KIAA1549: variants seen among roughly 807,000 people sequenced by gnomAD.
The protein encoded by KIAA1549 is UPF0606 protein KIAA1549.
A neutral mutation model predicts 156.4 loss-of-function variants in KIAA1549; 70 were observed. That is an observed-to-expected ratio of 0.45 (90% CI 0.37 to 0.55). The LOEUF is 0.55. Ranked by LOEUF, KIAA1549 falls within the 20% of genes least tolerant of loss-of-function variation. KIAA1549 has a pLI of 0.00. For synonymous variants in KIAA1549, 1,103 were observed against 1,066.4 expected (o/e 1.03, Z -0.67); for missense variants, 2,428 against 2,540.9 (o/e 0.96, Z 0.96).
intron 15 of KIAA1549, among the ~76,000 whole-genome samples, chr7:138,863,954 A>G (rs1810660952): frequency 6.6e-6 from 1 of 152,188 alleles, no homozygotes; most frequent in South Asian, 2.1e-4. Flanking sequence ...TGAGGTGGAT[A>G]AAGGTCCACA....
intron 1 of KIAA1549, among the ~76,000 whole-genome samples, chr7:138,943,749 T>C (rs910572779): frequency 6.6e-6 from 1 of 151,814 alleles, no homozygotes; most frequent in Non-Finnish European, 1.5e-5. Flanking sequence ...CTCGGGAGGC[T>C]GAGGCAGGCG....
Position 138,938,030 on chromosome 7 carries a change from C to T in KIAA1549, c.188-18592G>A, listed in dbSNP as rs748645988. Reference sequence around the variant, plus strand: ...TCCCCCTAAAATTCATATGTTGAAACCTAACCCGAAGGTGATGGTATTAAG... The same window carrying T: ...TCCCCCTAAAATTCATATGTTGAAATCTAACCCGAAGGTGATGGTATTAAG... On this transcript the variant is annotated intron_variant, in intron 1 of 19. Transcript: ENST00000422774. 2.6e-5 allele frequency among the ~76,000 whole-genome samples: 4 copies of T among 152,192 alleles called. No individual in the cohort carries two copies. The East Asian group carries it at 5.8e-4, about 22-fold the overall frequency.
intron 4 of KIAA1549, 110 bp from the exon 5 acceptor site, chr7:138,909,231 T>C (rs1392667843): frequency 1.8e-6 from 2 of 1,131,266 alleles, no homozygotes; most frequent in Non-Finnish European, 2.6e-6. Context: ...TCATCCATAG[T>C]ATGGGATTAA....
chr7:138,917,659 G>T lies in KIAA1549; in HGVS notation c.1967C>A (p.Ser656Tyr). 1 of 1,612,910 alleles carries T rather than the reference G, an allele frequency of 6.2e-7. No homozygotes were observed. Among genetic ancestry groups the T allele is most frequent in the Non-Finnish European group, 8.5e-7 (1 of 1,179,410 alleles). ...ASLSLMPSDL[S>Y]PFTSQSFSPL... ...AGAAAAAGACTGAGATGTGAAGGGG[G>T]ACAAGTCACTCGGCATCAGAGACAG... The change falls in exon 2 of 20, where the codon TCC (serine) becomes TAC (tyrosine). Residue 656 changes from serine to tyrosine, a missense_variant. Physicochemically the swap from Ser to Tyr is moderately radical, Grantham distance 144 (BLOSUM62 -2). Around this residue, in one of 5 missense-constraint regions of KIAA1549, gnomAD observed 893 missense variants for 847.9 expected, o/e 1.05. Coordinates refer to ENST00000422774, the MANE Select transcript of KIAA1549 (RefSeq NM_001164665.2).
intron 10 of KIAA1549, among the ~76,000 whole-genome samples, chr7:138,884,539 A>C (rs1360055429): frequency 6.6e-6 from 1 of 152,214 alleles, no homozygotes; most frequent in African/African-American, 2.4e-5. Context: ...TAAGATACCA[A>C]ATTATAAACA....
At chr7:138,894,864 A>C (rs1356552942) in intron 9 of KIAA1549, among the ~76,000 whole-genome samples, 2 of 152,168 alleles carry the variant, frequency 1.3e-5, no homozygotes, top group Non-Finnish European at 2.9e-5. Flanking sequence ...TCCACACCAA[A>C]ACTGGTTCTG....
rs372018139 is a variant in KIAA1549 at position 138,881,351 on chromosome 7, C to T, written c.4229+37G>A. The T allele has an allele frequency of 8.2e-6, 13 of 1,583,740 alleles. No individual in the cohort carries two copies. The East Asian group carries it at 2.7e-4, about 33-fold the overall frequency. On this transcript the variant is annotated intron_variant, in intron 11 of 19. Transcript: ENST00000422774. ...CACAGCCTGATAACAGAAGCATGCTCTGCAACAAAGAATAATACAGAAAGC... is the reference window on the plus strand; with the variant it reads ...CACAGCCTGATAACAGAAGCATGCTTTGCAACAAAGAATAATACAGAAAGC...
At chr7:138,938,348 T>C (rs971724207) in intron 1 of KIAA1549, among the ~76,000 whole-genome samples, 2 of 152,226 alleles carry the variant, frequency 1.3e-5, no homozygotes, top group African/African-American at 2.4e-5. Context: ...TCTGGTTACA[T>C]ATACTTCTGG....
intron 16 of KIAA1549, among the ~76,000 whole-genome samples, chr7:138,859,297 C>T (rs1332473695): frequency 6.6e-6 from 1 of 152,014 alleles, no homozygotes. Context: ...AATTACCTCC[C>T]TAAAGGCCCT....
Position 138,836,982 on chromosome 7 carries a change from G to A in KIAA1549, c.*924C>T, listed in dbSNP as rs544631263. 1.1e-4 allele frequency: 26 copies of A among 228,338 alleles called. No homozygotes were observed. Among genetic ancestry groups the A allele is most frequent in the African/African-American group, 4.9e-4 (22 of 45,184 alleles). 14.1% of individuals were successfully genotyped at this position (228,338 alleles called of 1,614,324 possible). On this transcript the variant is annotated 3_prime_UTR_variant, in exon 20 of 20. Transcript: ENST00000422774. ...TGAACAAATCAACAGCAAAGTGGAAGAAAGGATCAGTTAGGACCTCTTGAA... is the reference window on the plus strand; with the variant it reads ...TGAACAAATCAACAGCAAAGTGGAAAAAAGGATCAGTTAGGACCTCTTGAA...
At chr7:138,869,799 G>A (rs1188278793) in intron 13 of KIAA1549, 38 bp from the exon 14 acceptor site, 2 of 1,496,622 alleles carry the variant, frequency 1.3e-6, no homozygotes, top group Non-Finnish European at 1.8e-6. Context: ...AGCCATAGAG[G>A]TCCCGGGAAG....
At chr7:138,888,569 C>T (rs921183323) in intron 10 of KIAA1549, among the ~76,000 whole-genome samples, 2 of 152,208 alleles carry the variant, frequency 1.3e-5, no homozygotes, top group Non-Finnish European at 2.9e-5. Context: ...TGTGTCTTTT[C>T]TAAACCCCAC....
At chr7:138,891,660 G>A (rs1563065513) in intron 10 of KIAA1549, among the ~76,000 whole-genome samples, 3 of 152,198 alleles carry the variant, frequency 2.0e-5, no homozygotes, top group Admixed American at 6.5e-5. Flanking sequence ...TTTTAGGTCA[G>A]CAGATTTATT....
Position 138,917,891 on chromosome 7 carries a change from G to A in KIAA1549, c.1735C>T (p.Pro579Ser). ...CTCGGGTCTCTGACGGCAAGCGACG[G>A]TGTGTTTTTGTTTGCTATGACAGAG... ...SFSVIANKNT[P>S]SLAVRDPSVF... Residue 579 changes from proline to serine, a missense_variant, in exon 2 of 20, where the codon CCG (proline) becomes TCG (serine). Physicochemically the swap from Pro to Ser is moderately conservative, Grantham distance 74 (BLOSUM62 -1). Coordinates refer to ENST00000422774, the MANE Select transcript of KIAA1549 (RefSeq NM_001164665.2). The A allele has an allele frequency of 3.7e-6, 6 of 1,602,956 alleles. No individual in the cohort carries two copies. The highest frequency in any genetic ancestry group is 5.1e-6 in the Non-Finnish European group (6 of 1,174,784).
At chr7:138,862,012 C>G (rs1240591441) in intron 15 of KIAA1549, among the ~76,000 whole-genome samples, 1 of 152,010 alleles carries the variant, frequency 6.6e-6, no homozygotes, top group Non-Finnish European at 1.5e-5. Context: ...CATTTCAGTA[C>G]CTGGAAGTGA....
chr7:138,898,371 G>T (rs891113811), intron 9 of KIAA1549, among the ~76,000 whole-genome samples: 1 of 151,744 alleles, frequency 6.6e-6, no homozygotes, highest in East Asian at 1.9e-4. Context: ...AGCAGCCAGG[G>T]CCAGGCAGGC....
rs191168520 is a variant in KIAA1549 at position 138,895,737 on chromosome 7, A to G, written c.3848-1211T>C. Among the ~76,000 whole-genome samples the G allele has an allele frequency of 4.7e-3, 714 of 152,250 alleles. 5 individuals carry two copies. The highest frequency in any genetic ancestry group is 0.014 in the Middle Eastern group (4 of 294). ...TATATTTTACTGCAATAAAAAAAGA[A>G]GGAAGATGATCCTTATGTTTTCCAA... On this transcript the variant is annotated intron_variant, in intron 9 of 19. Transcript: ENST00000422774.
intron 15 of KIAA1549, among the ~76,000 whole-genome samples, chr7:138,863,839 C>G (rs191938389): frequency 6.6e-6 from 1 of 152,200 alleles, no homozygotes; most frequent in Non-Finnish European, 1.5e-5. Flanking sequence ...GGAGGTTCTA[C>G]TAAATGAGAT....
chr7:138,835,491 AC>A lies in KIAA1549; in HGVS notation c.*2414del. ...TACGGTCAGCCCAATTTGAAACAGA[AC>A]CCTCTTTCTGCAATGCTCAAAGGAG... On this transcript the variant is annotated 3_prime_UTR_variant, in exon 20 of 20. Coordinates refer to ENST00000422774, the MANE Select transcript of KIAA1549 (RefSeq NM_001164665.2). The A allele has an allele frequency of 4.5e-6, 1 of 221,180 alleles. No homozygotes were observed. The highest frequency in any genetic ancestry group is 9.1e-6 in the Non-Finnish European group (1 of 110,466). The allele number at this position is 221,180 out of a possible 1,614,324, so 13.7% of individuals were successfully genotyped here. A position where few individuals can be genotyped will look rare whatever the true frequency, so the allele number is the denominator to read the frequency against.
Sources: gnomAD v4.1 joint callset for allele counts (sites outside exome capture counted in the v4.1 genomes callset) on GRCh38, gnomAD v4.1.1 for gene constraint, gnomAD v4.1.1 regional missense constraint, MANE v1.5 for transcripts, NCBI Gene and HGNC (gene_info 2026-07-23, HGNC 2026-07-21) for gene names.